MACROD2: variants seen among roughly 807,000 people sequenced by gnomAD.
The protein encoded by MACROD2 is mono-ADP ribosylhydrolase 2.
In MACROD2, 36 loss-of-function variants were observed where a neutral mutation model predicts 70.4. The observed-to-expected ratio is 0.51, with a 90% CI of 0.39 to 0.68. The LOEUF (loss-of-function observed/expected upper bound fraction) is 0.68. Among genes scored for constraint, MACROD2 ranks in the 30% least tolerant of loss-of-function variants. The probability of loss-of-function intolerance (pLI) is 0.00; values close to 1 mark genes in which losing one functional copy is unlikely to be tolerated. For missense variants in MACROD2, 496 were observed against 538.4 expected (o/e 0.92, Z 0.78); for synonymous variants, 172 against 178.8 (o/e 0.96, Z 0.30).
intron 5 of MACROD2, among the ~76,000 whole-genome samples, chr20:14,919,169 G>A (rs1332257495): frequency 6.6e-6 from 1 of 152,136 alleles, no homozygotes; most frequent in African/African-American, 2.4e-5. Context: ...TTGTCCATCT[G>A]GAATGCATCA....
intron 3 of MACROD2, among the ~76,000 whole-genome samples, chr20:14,102,485 T>C (rs1341749865): frequency 6.6e-6 from 1 of 152,124 alleles, no homozygotes; most frequent in East Asian, 1.9e-4. Context: ...CTGTTAAAGT[T>C]TGGGGGAGCA....
chr20:14,456,537 T>G (rs1057127363), intron 3 of MACROD2, among the ~76,000 whole-genome samples: 1 of 151,800 alleles, frequency 6.6e-6, no homozygotes, highest in African/African-American at 2.4e-5. Flanking sequence ...TTTAGAATTC[T>G]GTTTACACTT....
In MACROD2 at chr20:15,140,808, C is replaced by A. The variant is rs181622254; in HGVS notation, c.419-89132C>A. 4.6e-5 allele frequency among the ~76,000 whole-genome samples: 7 copies of A among 152,280 alleles called. No individual in the cohort carries two copies. In the East Asian group the frequency reaches 1.4e-3, roughly 29 times the overall value. Reference sequence around the variant, plus strand: ...TTTAGGGGTCTTGAAATATATCACACTCTCCCAAAACTAATTCATGCTTCA... The same window carrying A: ...TTTAGGGGTCTTGAAATATATCACAATCTCCCAAAACTAATTCATGCTTCA... On this transcript the variant is annotated intron_variant, in intron 5 of 17. Transcript: ENST00000684519.
intron 3 of MACROD2, among the ~76,000 whole-genome samples, chr20:14,475,869 CTTTCAGAGTCT>C: frequency 6.6e-6 from 1 of 151,976 alleles, no homozygotes. Context: ...ACCCCAAGAC[CTTTCAGAGTCT>C]TGGGGTAGTG....
chr20:14,750,021 C>T, intron 5 of MACROD2, among the ~76,000 whole-genome samples: 1 of 152,112 alleles, frequency 6.6e-6, no homozygotes, highest in South Asian at 2.1e-4. Flanking sequence ...ATACTTAACA[C>T]TTCTGAACTA....
At chr20:15,108,252 C>T (rs574404433) in intron 5 of MACROD2, among the ~76,000 whole-genome samples, 1 of 152,200 alleles carries the variant, frequency 6.6e-6, no homozygotes, top group African/African-American at 2.4e-5. Context: ...CAGCCTGGCT[C>T]ATACTAAGCA....
chr20:15,063,443 A>T (rs1252030898), intron 5 of MACROD2, among the ~76,000 whole-genome samples: 1 of 152,224 alleles, frequency 6.6e-6, no homozygotes, highest in Non-Finnish European at 1.5e-5. Context: ...CACATGTAAT[A>T]AAAGAAGCCT....
chr20:15,598,121 C>A (rs946077522), intron 8 of MACROD2, among the ~76,000 whole-genome samples: 2 of 152,194 alleles, frequency 1.3e-5, no homozygotes, highest in African/African-American at 4.8e-5. Context: ...AGGATGACCA[C>A]ACCCCACTTT....
At chr20:14,405,076 C>T (rs1368739672) in intron 3 of MACROD2, among the ~76,000 whole-genome samples, 1 of 151,998 alleles carries the variant, frequency 6.6e-6, no homozygotes, top group African/African-American at 2.4e-5. Context: ...TAATTCTAAA[C>T]TTACATGTAT....
chr20:14,340,446 G>A (rs2083001290), intron 3 of MACROD2, among the ~76,000 whole-genome samples: 1 of 152,174 alleles, frequency 6.6e-6, no homozygotes, highest in South Asian at 2.1e-4. Context: ...AGGACACTAA[G>A]AATGGGAGAA....
In MACROD2 at chr20:14,684,931, C is replaced by T. The variant is rs372182684; in HGVS notation, c.390C>T (p.Ile130=). The T allele has an allele frequency of 1.6e-5, 26 of 1,613,830 alleles. No homozygotes were observed. The Admixed American group carries it at 2.7e-4, about 17-fold the overall frequency. ...LNGCDTGHAK[I]TCGYDLPAKY... ...GCTGTGATACTGGACATGCAAAAAT[C>T]ACATGTGGCTATGACCTTCCTGCAA... is the stretch of plus-strand genomic sequence containing the variant. Residue 130 remains isoleucine, a synonymous_variant, in exon 5 of 18, where the codon ATC becomes ATT. Coordinates refer to ENST00000684519, the MANE Select transcript of MACROD2 (RefSeq NM_001351661.2).
chr20:15,229,311 A>G (rs1185487184), intron 5 of MACROD2, among the ~76,000 whole-genome samples: 1 of 152,230 alleles, frequency 6.6e-6, no homozygotes, highest in Non-Finnish European at 1.5e-5. Context: ...AATAAAATAG[A>G]TAATTAACTA....
intron 8 of MACROD2, among the ~76,000 whole-genome samples, chr20:15,542,539 G>C (rs1342437171): frequency 6.6e-6 from 1 of 152,134 alleles, no homozygotes; most frequent in African/African-American, 2.4e-5. Flanking sequence ...GAGGGGCCTT[G>C]GAAGGAGGTA....
At chr20:15,506,690 T>A (rs1363157394) in intron 8 of MACROD2, among the ~76,000 whole-genome samples, 1 of 152,234 alleles carries the variant, frequency 6.6e-6, no homozygotes, top group African/African-American at 2.4e-5. Flanking sequence ...AAATGATGCT[T>A]ACATTTATGA....
chr20:15,898,956 G>A (rs1568626237), intron 10 of MACROD2, among the ~76,000 whole-genome samples: 1 of 151,306 alleles, frequency 6.6e-6, no homozygotes, highest in Non-Finnish European at 1.5e-5. Context: ...ATGTATATAT[G>A]TATACACATA....
chr20:14,592,487 G>A (rs1981839557), intron 4 of MACROD2, among the ~76,000 whole-genome samples: 1 of 152,086 alleles, frequency 6.6e-6, no homozygotes, highest in Non-Finnish European at 1.5e-5. Context: ...GCAGTGGCGT[G>A]ATTACAGCTC....
In MACROD2 at chr20:15,221,592, A is replaced by C. The variant is rs551857478; in HGVS notation, c.419-8348A>C. 4.6e-5 allele frequency among the ~76,000 whole-genome samples: 7 copies of C among 152,360 alleles called. No homozygotes were observed. In the South Asian group the frequency reaches 1.4e-3, roughly 32 times the overall value. On this transcript the variant is annotated intron_variant, in intron 5 of 17. Transcript: ENST00000684519. ...CCTTACATGTAGGAGTCCAATTTGA[A>C]ACAGGATACAGTCCCATCAACAAGG... is the stretch of plus-strand genomic sequence containing the variant.
At chr20:15,388,476 C>T (rs961682991) in intron 6 of MACROD2, among the ~76,000 whole-genome samples, 9 of 152,022 alleles carry the variant, frequency 5.9e-5, no homozygotes, top group East Asian at 1.9e-4. Flanking sequence ...ACAAGATGCC[C>T]GGCCAAATTT....
At chr20:15,825,649 C>T (rs561304704) in intron 8 of MACROD2, among the ~76,000 whole-genome samples, 49 of 152,082 alleles carry the variant, frequency 3.2e-4, no homozygotes, top group African/African-American at 1.1e-3. Flanking sequence ...TCAAGTTGTT[C>T]CCAGCAATAG....
Sources: gnomAD v4.1 joint callset for allele counts (sites outside exome capture counted in the v4.1 genomes callset) on GRCh38, gnomAD v4.1.1 for gene constraint, MANE v1.5 for transcripts, NCBI Gene and HGNC (gene_info 2026-07-23, HGNC 2026-07-21) for gene names.